Variants in PIBF1 observed in about 807,000 individuals in gnomAD.
PIBF1 encodes progesterone immunomodulatory binding factor 1, also known as progesterone-induced-blocking factor 1.
Under a neutral mutation model 112.5 loss-of-function variants are expected in PIBF1, and 90 were observed. That is an observed-to-expected ratio of 0.80 (90% CI 0.67 to 0.95). The LOEUF (loss-of-function observed/expected upper bound fraction) is 0.95. Among genes scored for constraint, PIBF1 ranks in the 40% least tolerant of loss-of-function variants. The probability of loss-of-function intolerance (pLI) is 0.00; values close to 1 mark genes in which losing one functional copy is unlikely to be tolerated. For synonymous variants in PIBF1, 301 were observed against 288.6 expected (o/e 1.04, Z -0.44); for missense variants, 915 against 852.3 (o/e 1.07, Z -0.92).
At chr13:72,790,110 T>A (rs1390482478) in intron 2 of PIBF1, among the ~76,000 whole-genome samples, 3 of 152,110 alleles carry the variant, frequency 2.0e-5, no homozygotes, top group African/African-American at 7.2e-5. Flanking sequence ...ATTTAGCCCA[T>A]CACCATTTTT....
chr13:72,995,158 C>T (rs573552760), intron 16 of PIBF1, among the ~76,000 whole-genome samples: 23 of 151,484 alleles, frequency 1.5e-4, no homozygotes, highest in Admixed American at 2.6e-4. Flanking sequence ...AAAAATTAGC[C>T]GGGCATGGTA....
At chr13:73,012,952 A>G (rs1404242883) in intron 17 of PIBF1, among the ~76,000 whole-genome samples, 2 of 151,932 alleles carry the variant, frequency 1.3e-5, no homozygotes, top group Admixed American at 6.6e-5. Context: ...AATGTCAGAC[A>G]CCAAATATCC....
At chr13:72,894,677 C>T (rs996898485) in intron 11 of PIBF1, among the ~76,000 whole-genome samples, 1 of 150,218 alleles carries the variant, frequency 6.7e-6, no homozygotes. Context: ...AAATAGTTGA[C>T]TCAATACCTC....
intron 16 of PIBF1, among the ~76,000 whole-genome samples, chr13:72,976,167 G>A (rs1050329082): frequency 2.6e-5 from 4 of 152,146 alleles, no homozygotes; most frequent in Admixed American, 2.0e-4. Context: ...GGAGGCTAAG[G>A]CAGGAGGATC....
intron 17 of PIBF1, among the ~76,000 whole-genome samples, chr13:73,010,713 C>G (rs2044170681): frequency 6.7e-6 from 1 of 150,044 alleles, no homozygotes. Context: ...CCAAATCTAT[C>G]TGATTGTATA....
rs1257031597 is a variant in PIBF1, at chr13:72,783,493, G to T, written c.24G>T (p.Glu8Asp). The part of the protein sequence containing the change: MSRKISK[E>D]SKKVNISSSL... ...AAATGTCTCGAAAAATTTCAAAGGA[G>T]TCAAAAAAAGTGAACATCTCTAGTT... Residue 8 changes from glutamate (E) to aspartate (D), a missense_variant, in exon 2 of 18, where the codon GAG becomes GAT. Glu to Asp is a conservative substitution (Grantham distance 45). Transcript: ENST00000326291. 6.2e-7 allele frequency: 1 copy of T among 1,602,834 alleles called. No homozygotes were observed. Among genetic ancestry groups the T allele is most frequent in the South Asian group, 1.1e-5 (1 of 89,108 alleles).
intron 14 of PIBF1, among the ~76,000 whole-genome samples, chr13:72,959,940 T>C (rs1365949214): frequency 6.6e-6 from 1 of 152,194 alleles, no homozygotes; most frequent in Admixed American, 6.6e-5. Context: ...TGCAAAACTT[T>C]TTGAATAGTA....
chr13:72,848,278 C>T (rs1261318110), intron 9 of PIBF1, among the ~76,000 whole-genome samples: 3 of 152,096 alleles, frequency 2.0e-5, no homozygotes, highest in African/African-American at 7.2e-5. Context: ...ATTCTTCTGA[C>T]ATTTTTCTTA....
chr13:72,848,900 C>T (rs1053943080), intron 9 of PIBF1, among the ~76,000 whole-genome samples: 1 of 151,792 alleles, frequency 6.6e-6, no homozygotes, highest in African/African-American at 2.4e-5. Context: ...GTAACCATAC[C>T]TCTTGGTTTG....
At chr13:72,867,510 T>C (rs2038977810) in intron 10 of PIBF1, among the ~76,000 whole-genome samples, 1 of 152,170 alleles carries the variant, frequency 6.6e-6, no homozygotes, top group African/African-American at 2.4e-5. Flanking sequence ...TGTTCTCTTT[T>C]CAGCACCATA....
chr13:72,851,829 G>T (rs2038173389), intron 9 of PIBF1, among the ~76,000 whole-genome samples: 1 of 152,218 alleles, frequency 6.6e-6, no homozygotes, highest in South Asian at 2.1e-4. Flanking sequence ...CGATCTGCCT[G>T]CAGAGAGGAG....
intron 16 of PIBF1, among the ~76,000 whole-genome samples, chr13:72,979,379 T>C (rs901908936): frequency 1.3e-5 from 2 of 152,192 alleles, no homozygotes; most frequent in African/African-American, 4.8e-5. Flanking sequence ...TATCCACGTG[T>C]CCTTAGAATA....
chr13:72,927,986 TATAC>T lies in PIBF1; in HGVS notation c.1731-3177_1731-3174del, dbSNP rs1566458139. Among the ~76,000 whole-genome samples, 55 of 60,440 alleles carry T rather than the reference TATAC, an allele frequency of 9.1e-4. No homozygotes were observed. The East Asian group carries it at 0.018, about 20-fold the overall frequency. 39.7% of individuals were successfully genotyped at this position (60,440 alleles called of 152,430 possible). ...ACATATATATATATATACATATATATATACACACACATATATATACATATATATA... is the reference window on the plus strand; with the variant it reads ...ACATATATATATATATACATATATATACACACATATATATACATATATATA... On this transcript the variant is annotated intron_variant, in intron 13 of 17. Transcript: ENST00000326291.
chr13:72,954,020 T>C (rs930639924), intron 14 of PIBF1, among the ~76,000 whole-genome samples: 3 of 152,098 alleles, frequency 2.0e-5, no homozygotes, highest in Non-Finnish European at 2.9e-5. Flanking sequence ...GCACAAGCAG[T>C]GTCCCCAGTG....
At chr13:72,810,295 A>G (rs1593943369) in intron 5 of PIBF1, among the ~76,000 whole-genome samples, 1 of 152,162 alleles carries the variant, frequency 6.6e-6, no homozygotes, top group East Asian at 1.9e-4. Flanking sequence ...TTTCATATCA[A>G]AAGGATGTGA....
intron 10 of PIBF1, among the ~76,000 whole-genome samples, chr13:72,891,501 G>A (rs1162779758): frequency 1.5e-5 from 1 of 66,850 alleles, no homozygotes; most frequent in African/African-American, 7.2e-5. Context: ...TTTAGTAAAA[G>A]GTATTTTTTT....
At chr13:72,876,156 A>G (rs1427893220) in intron 10 of PIBF1, among the ~76,000 whole-genome samples, 3 of 14,706 alleles carry the variant, frequency 2.0e-4, no homozygotes, top group African/African-American at 6.9e-4. Flanking sequence ...TTTTTTTTGC[A>G]TGTGAATGTC....
At chr13:72,962,334 G>A (rs2042628191) in intron 14 of PIBF1, among the ~76,000 whole-genome samples, 1 of 152,098 alleles carries the variant, frequency 6.6e-6, no homozygotes, top group Non-Finnish European at 1.5e-5. Flanking sequence ...ATACAGCCAG[G>A]CATGATGGCT....
At position 72,866,816 on chromosome 13, in the gene PIBF1, T is replaced by C. The variant is rs147746424; in HGVS notation, c.1322+12661T>C. On this transcript the variant is annotated intron_variant, in intron 10 of 17. Coordinates refer to ENST00000326291, the MANE Select transcript of PIBF1 (RefSeq NM_006346.4). The stretch of plus-strand genomic sequence containing the variant: ...TTCATGTTTTATTTTCGTTCCTTAT[T>C]TTTTTCATTCAAGTGATTCCTGATT... 2.3e-3 allele frequency among the ~76,000 whole-genome samples: 347 copies of C among 152,326 alleles called. 1 individual carries two copies. The highest frequency in any genetic ancestry group is 0.01 in the Middle Eastern group (3 of 294).
Sources: gnomAD v4.1 joint callset for allele counts (sites outside exome capture counted in the v4.1 genomes callset) on GRCh38, gnomAD v4.1.1 for gene constraint, MANE v1.5 for transcripts, NCBI Gene and HGNC (gene_info 2026-07-23, HGNC 2026-07-21) for gene names.